FRMPD3: variants seen among roughly 807,000 people sequenced by gnomAD.
FRMPD3 encodes FERM and PDZ domain-containing protein 3.
Under a neutral mutation model 97.9 loss-of-function variants are expected in FRMPD3, and 42 were observed. The ratio of observed to expected loss-of-function variants is 0.43; its 90% CI spans 0.34 to 0.55. The LOEUF (loss-of-function observed/expected upper bound fraction) is 0.55. Ranked by LOEUF, FRMPD3 falls within the 20% of genes least tolerant of loss-of-function variation. The pLI, the probability that FRMPD3 is intolerant of heterozygous loss-of-function variation, is 0.03. For synonymous variants in FRMPD3, 577 were observed against 581.1 expected (o/e 0.99, Z 0.10); for missense variants, 1,303 against 1,457.7 (o/e 0.89, Z 1.73).
At position 107,603,067 on chromosome X, in the gene FRMPD3, G is replaced by T; in HGVS notation, c.5028G>T (p.Leu1676=). 1 of 1,211,114 alleles carries T rather than the reference G, an allele frequency of 8.3e-7. No homozygotes were observed. Reference sequence around the variant, plus strand: ...GCCTCATTGAGACCTTCGTGCGGCTGGTGTTCATTGTGCGCTCCGAGGCCC... The same window carrying T: ...GCCTCATTGAGACCTTCGTGCGGCTTGTGTTCATTGTGCGCTCCGAGGCCC... ...LSSLIETFVR[L]VFIVRSEAQR... Residue 1676 remains leucine (L), a synonymous_variant, in exon 15 of 15, where the codon CTG becomes CTT. Transcript: ENST00000683843.
intron 12 of FRMPD3, among the ~76,000 whole-genome samples, chrX:107,570,379 T>A (rs1192335417): frequency 9.1e-6 from 1 of 109,406 alleles, no homozygotes; most frequent in Non-Finnish European, 1.9e-5. Context: ...TCTGGTAATA[T>A]TCTGTAAGGG....
At chrX:107,525,692 T>G (rs770126030) in intron 1 of FRMPD3, 7 of 558,354 alleles carry the variant, frequency 1.3e-5, no homozygotes, top group Non-Finnish European at 2.3e-5. Context: ...TATGGACAAT[T>G]TTGGTCCCAG....
In FRMPD3 at chrX:107,597,381, G is replaced by A; in HGVS notation, c.1502G>A (p.Ser501Asn). The stretch of plus-strand genomic sequence containing the variant: ...GGCCACCTGGGGAAAAAGGAGAGTA[G>A]TTATGTGGGCAGCGTGGGCACCAGC... ...TGGHLGKKES[S>N]YVGSVGTSPR... The change falls in exon 14 of 15, where the codon AGT becomes AAT. Residue 501 changes from serine (S) to asparagine (N), a missense_variant. Physicochemically the swap from Ser to Asn is conservative, Grantham distance 46. Coordinates refer to ENST00000683843, the MANE Select transcript of FRMPD3 (RefSeq NM_001388459.1). 1 of 1,210,680 alleles carries A rather than the reference G, an allele frequency of 8.3e-7. No homozygotes were observed. The highest frequency in any genetic ancestry group is 1.8e-5 in the South Asian group (1 of 56,961).
chrX:107,550,075 C>T lies in FRMPD3; in HGVS notation c.429C>T (p.Leu143=). The change falls in exon 6 of 15, where the codon CTC becomes CTT. Residue 143 remains leucine, a synonymous_variant. Coordinates refer to ENST00000683843, the MANE Select transcript of FRMPD3 (RefSeq NM_001388459.1). ...DAKMMKKEAL[L]LIPNVLKVFL... ...AAATGATGAAGAAGGAAGCTCTCCT[C>T]CTCATCCCTAATGTCCTGAAGGTTT... is the stretch of plus-strand genomic sequence containing the variant. The T allele has an allele frequency of 1.7e-6, 2 of 1,202,140 alleles. No homozygotes were observed. The highest frequency in any genetic ancestry group is 2.3e-6 in the Non-Finnish European group (2 of 888,668).
chrX:107,541,297 G>A lies in FRMPD3; in HGVS notation c.298-4440G>A, dbSNP rs546257235. Among the ~76,000 whole-genome samples the A allele has an allele frequency of 1.7e-4, 19 of 112,490 alleles. No homozygotes were observed. In the Middle Eastern group the frequency reaches 0.019, roughly 110 times the overall value. On this transcript the variant is annotated intron_variant, in intron 4 of 14. Coordinates refer to ENST00000683843, the MANE Select transcript of FRMPD3 (RefSeq NM_001388459.1). ...TTTGGGACACGGAGGCCTCTGAGAG[G>A]CTCCTCATATCACACTGCAAAGCAG...
intron 1 of FRMPD3, among the ~76,000 whole-genome samples, chrX:107,500,520 G>A (rs1046798906): frequency 2.7e-5 from 3 of 111,612 alleles, no homozygotes; most frequent in Non-Finnish European, 5.6e-5. Context: ...CAGGCTGGGC[G>A]CCGTGGCTCA....
intron 5 of FRMPD3, among the ~76,000 whole-genome samples, chrX:107,548,138 C>T: frequency 8.9e-6 from 1 of 112,340 alleles, no homozygotes; most frequent in East Asian, 2.8e-4. Flanking sequence ...CTGTTCTCAT[C>T]TGGCTTCTCA....
intron 1 of FRMPD3, among the ~76,000 whole-genome samples, chrX:107,496,392 G>A (rs1921775230): frequency 9.0e-6 from 1 of 111,647 alleles, no homozygotes; most frequent in African/African-American, 3.3e-5. Flanking sequence ...CAAGAGTTGA[G>A]AGTGGCCATA....
At position 107,603,627 on chromosome X, in the gene FRMPD3, C is replaced by G. The variant is rs1924669842; in HGVS notation, c.*254C>G. 4 of 415,294 alleles carry G rather than the reference C, an allele frequency of 9.6e-6. No homozygotes were observed. The highest frequency in any genetic ancestry group is 4.3e-5 in the East Asian group (1 of 23,072). 34.2% of individuals were successfully genotyped at this position (415,294 alleles called of 1,213,427 possible). A position where few individuals can be genotyped will look rare whatever the true frequency, so the allele number is the denominator to read the frequency against. ...CTGTGAGGGCAAAGGCCCCTCTTCA[C>G]TCTGCTCACAGCAGAGCTGTATTTT... On this transcript the variant is annotated 3_prime_UTR_variant, in exon 15 of 15. Coordinates refer to ENST00000683843, the MANE Select transcript of FRMPD3 (RefSeq NM_001388459.1).
At chrX:107,468,116 C>T (rs781319235) in intron 1 of FRMPD3, among the ~76,000 whole-genome samples, 4 of 111,710 alleles carry the variant, frequency 3.6e-5, no homozygotes, top group Admixed American at 9.5e-5. Context: ...CCCTACTCTA[C>T]TTCTCCCCAT....
chrX:107,488,796 C>A (rs1201804416), intron 1 of FRMPD3, among the ~76,000 whole-genome samples: 1 of 110,785 alleles, frequency 9.0e-6, no homozygotes, highest in South Asian at 3.9e-4. Flanking sequence ...AACAAAAAAA[C>A]ACTTTAAGTC....
chrX:107,562,100 G>A (rs909779715), intron 10 of FRMPD3, among the ~76,000 whole-genome samples: 1 of 112,531 alleles, frequency 8.9e-6, no homozygotes, highest in East Asian at 2.8e-4. Context: ...AGATTAATCC[G>A]TGGGCATGGG....
intron 1 of FRMPD3, among the ~76,000 whole-genome samples, chrX:107,502,880 A>G (rs1244458855): frequency 3.6e-5 from 4 of 112,665 alleles, no homozygotes; most frequent in African/African-American, 1.3e-4. Context: ...CCGGATCTGA[A>G]GCAGTGTTGG....
At chrX:107,519,835 G>A (rs937308059) in intron 1 of FRMPD3, among the ~76,000 whole-genome samples, 4 of 111,902 alleles carry the variant, frequency 3.6e-5, no homozygotes, top group African/African-American at 1.3e-4. Context: ...ACAAAACAAA[G>A]CAAAACCAAA....
chrX:107,582,156 G>A (rs924793256), intron 13 of FRMPD3, among the ~76,000 whole-genome samples: 1 of 110,331 alleles, frequency 9.1e-6, no homozygotes, highest in Non-Finnish European at 1.9e-5. Flanking sequence ...AATTTTAACC[G>A]TATCTTCACC....
At chrX:107,457,974 G>A (rs1931406960) in intron 1 of FRMPD3, among the ~76,000 whole-genome samples, 1 of 111,919 alleles carries the variant, frequency 8.9e-6, no homozygotes, top group Non-Finnish European at 1.9e-5. Flanking sequence ...GATCACTTAA[G>A]TAGCGTTATT....
At chrX:107,489,971 G>A (rs1235274796) in intron 1 of FRMPD3, among the ~76,000 whole-genome samples, 4 of 111,956 alleles carry the variant, frequency 3.6e-5, no homozygotes, top group Non-Finnish European at 5.6e-5. Flanking sequence ...ATGGTTTTAG[G>A]TCTAACATGT....
In FRMPD3 at chrX:107,490,512, T is replaced by C. The variant is rs773989308; in HGVS notation, c.-7-36070T>C. Among the ~76,000 whole-genome samples, 4 of 108,438 alleles carry C rather than the reference T, an allele frequency of 3.7e-5. No individual in the cohort carries two copies. In the East Asian group the frequency reaches 8.7e-4, roughly 23 times the overall value. 94.2% of individuals were successfully genotyped at this position (108,438 alleles called of 115,157 possible). A position where few individuals can be genotyped will look rare whatever the true frequency, so the allele number is the denominator to read the frequency against. Reference sequence around the variant, plus strand: ...TTTGTTTGTATCCTCTTTTATTTCATTGAGCAGTGGTTTGTAGTTCTCCTT... The same window carrying C: ...TTTGTTTGTATCCTCTTTTATTTCACTGAGCAGTGGTTTGTAGTTCTCCTT... On this transcript the variant is annotated intron_variant, in intron 1 of 14. Transcript: ENST00000683843.
intron 4 of FRMPD3, among the ~76,000 whole-genome samples, chrX:107,541,505 C>T (rs957261657): frequency 8.9e-6 from 1 of 112,578 alleles, no homozygotes; most frequent in African/African-American, 3.2e-5. Context: ...AACTCTGAAA[C>T]AGACACCTGG....
Sources: gnomAD v4.1 joint callset for allele counts (sites outside exome capture counted in the v4.1 genomes callset) on GRCh38, gnomAD v4.1.1 for gene constraint, MANE v1.5 for transcripts, NCBI Gene and HGNC (gene_info 2026-07-23, HGNC 2026-07-21) for gene names.